Variants in CDH7 observed in about 807,000 individuals in gnomAD.
CDH7 encodes the protein cadherin 7.
In CDH7, 25 loss-of-function variants were observed where a neutral mutation model predicts 71.8. The observed-to-expected ratio is 0.35, with a 90% CI of 0.25 to 0.49. The LOEUF (loss-of-function observed/expected upper bound fraction) is 0.49. Among genes scored for constraint, CDH7 ranks in the 20% least tolerant of loss-of-function variants. The pLI, the probability that CDH7 is intolerant of heterozygous loss-of-function variation, is 0.99. For synonymous variants in CDH7, 381 were observed against 363.8 expected (o/e 1.05, Z -0.54); for missense variants, 862 against 974.6 (o/e 0.88, Z 1.54).
Position 65,880,451 on chromosome 18 carries a change from AT to A in CDH7, c.1920del (p.Phe640LeufsTer12). The A allele has an allele frequency of 6.3e-7, 1 of 1,575,240 alleles. No homozygotes were observed. The highest frequency in any genetic ancestry group is 8.6e-7 in the Non-Finnish European group (1 of 1,166,998). On this transcript the variant is annotated frameshift_variant, in exon 12 of 12. Transcript: ENST00000397968. LOFTEE classifies it high-confidence loss of function. ...GAGAAGACGGAAAAAAGAGCCCCTT[AT>A]TTTTGACGAAGAAAGAGACATCAGA... ...TMRRRKKEPL[I>X]FDEERDIREN...
At chr18:65,836,745 A>G (rs1469315459) in intron 6 of CDH7, among the ~76,000 whole-genome samples, 4 of 152,246 alleles carry the variant, frequency 2.6e-5, no homozygotes, top group African/African-American at 7.2e-5. Flanking sequence ...ACAACCAGTA[A>G]TCTCTTTTGC....
At position 65,838,621 on chromosome 18, in the gene CDH7, G is replaced by A. The variant is rs192947386; in HGVS notation, c.982-5191G>A. 3.1e-3 allele frequency among the ~76,000 whole-genome samples: 478 copies of A among 152,290 alleles called. 2 individuals carry two copies. Among genetic ancestry groups the A allele is most frequent in the African/African-American group, 0.01 (434 of 41,566 alleles). ...TAACAACATTGTTGGCTAAAGGTGC[G>A]AGATATATAAGGAGGTCATTGAACT... On this transcript the variant is annotated intron_variant, in intron 6 of 11. Coordinates refer to ENST00000397968, the MANE Select transcript of CDH7 (RefSeq NM_004361.5).
rs527612675 is a variant in CDH7 at position 65,755,995 on chromosome 18, A to G, written c.-197+4845A>G. Among the ~76,000 whole-genome samples the G allele has an allele frequency of 5.3e-5, 8 of 152,294 alleles. No homozygotes were observed. The South Asian group carries it at 1.0e-3, about 20-fold the overall frequency. ...AACAAACAAAAAAACAAAAACAAAA[A>G]CAAAAAACAAAACAAAACAAAAACT... On this transcript the variant is annotated intron_variant, in intron 1 of 11. Coordinates refer to ENST00000397968, the MANE Select transcript of CDH7 (RefSeq NM_004361.5).
Sources: gnomAD v4.1 joint callset for allele counts (sites outside exome capture counted in the v4.1 genomes callset) on GRCh38, gnomAD v4.1.1 for gene constraint, MANE v1.5 for transcripts, NCBI Gene and HGNC (gene_info 2026-07-23, HGNC 2026-07-21) for gene names.